Variants in SLX4IP observed in about 807,000 individuals in gnomAD.
SLX4IP encodes the protein protein SLX4IP.
Under a neutral mutation model 32.9 loss-of-function variants are expected in SLX4IP, and 34 were observed. The ratio of observed to expected loss-of-function variants is 1.03; its 90% CI spans 0.79 to 1.38. The LOEUF is 1.38. SLX4IP is among the 40% of genes most tolerant of loss of function. The pLI is 0.00. For synonymous variants in SLX4IP, 172 were observed against 171.7 expected, an observed-to-expected ratio of 1.00 and a Z score of -0.01; for missense variants, 444 against 479.0, an observed-to-expected ratio of 0.93 and a Z score of 0.68.
chr20:10,475,865 A>G (rs1369291458), intron 2 of SLX4IP, among the ~76,000 whole-genome samples: 2 of 152,232 alleles, frequency 1.3e-5, no homozygotes, highest in Non-Finnish European at 2.9e-5. Flanking sequence ...CAGAAGTTAC[A>G]TGATAGTACT....
intron 6 of SLX4IP, among the ~76,000 whole-genome samples, chr20:10,607,735 G>C (rs1448909329): frequency 6.6e-6 from 1 of 151,756 alleles, no homozygotes; most frequent in African/African-American, 2.4e-5. Flanking sequence ...TCCTCTGTTG[G>C]TTAGTTTCTC....
intron 2 of SLX4IP, among the ~76,000 whole-genome samples, chr20:10,544,077 C>G (rs781129329): frequency 1.3e-5 from 2 of 152,114 alleles, no homozygotes; most frequent in East Asian, 1.9e-4. Flanking sequence ...TCCCAGTGGT[C>G]GAGCCAGGCT....
At chr20:10,486,718 G>A (rs1029445537) in intron 2 of SLX4IP, among the ~76,000 whole-genome samples, 2 of 152,126 alleles carry the variant, frequency 1.3e-5, no homozygotes, top group Non-Finnish European at 2.9e-5. Flanking sequence ...AGCCAGGATA[G>A]CCCAATGTCC....
chr20:10,522,784 G>T (rs1460570538), intron 2 of SLX4IP, among the ~76,000 whole-genome samples: 1 of 152,190 alleles, frequency 6.6e-6, no homozygotes, highest in East Asian at 1.9e-4. Flanking sequence ...GATGCCACAA[G>T]AGCCCAGCTG....
chr20:10,578,240 A>T (rs183285852), intron 4 of SLX4IP, among the ~76,000 whole-genome samples: 8 of 152,246 alleles, frequency 5.3e-5, no homozygotes, highest in Admixed American at 4.6e-4. Context: ...CATTTTCCCC[A>T]ATACCCCAGC....
chr20:10,504,083 C>G (rs922819810), intron 2 of SLX4IP, among the ~76,000 whole-genome samples: 1 of 152,316 alleles, frequency 6.6e-6, no homozygotes, highest in South Asian at 2.1e-4. Flanking sequence ...GAGAAAGAAG[C>G]AGCAGCCATG....
chr20:10,577,192 G>A (rs1281362923), intron 4 of SLX4IP, among the ~76,000 whole-genome samples: 1 of 152,114 alleles, frequency 6.6e-6, no homozygotes, highest in African/African-American at 2.4e-5. Flanking sequence ...AGAAGACTGA[G>A]ATTTTTGTAT....
rs561257027 is a variant in SLX4IP at position 10,465,098 on chromosome 20, A to AG, written c.27+6869dup. Among the ~76,000 whole-genome samples the AG allele has an allele frequency of 4.1e-4, 62 of 152,282 alleles. 1 individual carries two copies. In the South Asian group the frequency reaches 0.01, roughly 25 times the overall value. On this transcript the variant is annotated intron_variant, in intron 2 of 7. Coordinates refer to ENST00000334534, the MANE Select transcript of SLX4IP (RefSeq NM_001009608.3). The stretch of plus-strand genomic sequence containing the variant: ...TGGGCTACTGCAGCTTCTAGCAGGG[A>AG]GGTATGTCCTGTACTTCAGTGAGTG...
chr20:10,559,258 A>C (rs937082184), intron 3 of SLX4IP, among the ~76,000 whole-genome samples: 1 of 152,240 alleles, frequency 6.6e-6, no homozygotes, highest in Non-Finnish European at 1.5e-5. Flanking sequence ...CATGAAAAGC[A>C]GGAGAGAGGA....
rs1367567594 is a variant in SLX4IP at position 10,625,801 on chromosome 20, A to G, written c.*2422A>G. On this transcript the variant is annotated 3_prime_UTR_variant, in exon 8 of 8. Transcript: ENST00000334534. ...TGGCTCTCAGTTCCCACACTGTGAC[A>G]TGTGTTTGAGGAATTTTGCCTTTAA... The G allele has an allele frequency of 6.6e-6, 1 of 152,168 alleles. No homozygotes were observed. The highest frequency in any genetic ancestry group is 1.5e-5 in the Non-Finnish European group (1 of 68,034). The allele number at this position is 152,168 out of a possible 1,614,324, so 9.4% of individuals were successfully genotyped here.
intron 2 of SLX4IP, among the ~76,000 whole-genome samples, chr20:10,527,498 C>T (rs1408016672): frequency 2.0e-5 from 3 of 152,166 alleles, no homozygotes; most frequent in Non-Finnish European, 4.4e-5. Context: ...ATATGAGCCC[C>T]TTTACTTCTT....
intron 1 of SLX4IP, among the ~76,000 whole-genome samples, chr20:10,437,222 C>T (rs1264146009): frequency 6.6e-6 from 1 of 152,064 alleles, no homozygotes; most frequent in African/African-American, 2.4e-5. Context: ...AACTCTTGGG[C>T]TCAAGCGATC....
chr20:10,567,388 T>G (rs1176897588), intron 4 of SLX4IP, among the ~76,000 whole-genome samples: 2 of 152,192 alleles, frequency 1.3e-5, no homozygotes, highest in African/African-American at 4.8e-5. Flanking sequence ...AAGGGCTTGA[T>G]GGAGGCCTTT....
chr20:10,621,467 T>G, intron 7 of SLX4IP, 53 bp downstream of exon 7: 1 of 1,501,552 alleles, frequency 6.7e-7, no homozygotes, highest in South Asian at 1.1e-5. Context: ...TATGTATGGA[T>G]AGATAACATG....
At position 10,512,733 on chromosome 20, in the gene SLX4IP, G is replaced by C. The variant is rs979983989; in HGVS notation, c.28-43498G>C. ...TATATATATTTTATATATAGTATAT[G>C]TATTGTGTATATATATTTTATGTAT... On this transcript the variant is annotated intron_variant, in intron 2 of 7. Coordinates refer to ENST00000334534, the MANE Select transcript of SLX4IP (RefSeq NM_001009608.3). Among the ~76,000 whole-genome samples, 37 of 91,748 alleles carry C rather than the reference G, an allele frequency of 4.0e-4. 1 individual carries two copies. The highest frequency in any genetic ancestry group is 1.4e-4 in the Admixed American group (1 of 7,210). The allele number at this position is 91,748 out of a possible 152,430, so 60.2% of individuals were successfully genotyped here.
chr20:10,456,266 T>C (rs1405094641), intron 1 of SLX4IP, among the ~76,000 whole-genome samples: 1 of 152,246 alleles, frequency 6.6e-6, no homozygotes, highest in Non-Finnish European at 1.5e-5. Context: ...TAAGCATTTC[T>C]GATAAGGGAT....
chr20:10,452,065 A>T (rs1211701658), intron 1 of SLX4IP, among the ~76,000 whole-genome samples: 1 of 152,176 alleles, frequency 6.6e-6, no homozygotes, highest in Non-Finnish European at 1.5e-5. Flanking sequence ...TTAAAATTAC[A>T]TTTGTGGCTT....
chr20:10,560,570 T>C (rs1213611341), intron 3 of SLX4IP, 130 bp from the exon 4 acceptor site: 3 of 701,546 alleles, frequency 4.3e-6, no homozygotes, highest in Non-Finnish European at 6.4e-6. Flanking sequence ...ACATATGACA[T>C]TCCTTTCAAC....
chr20:10,512,294 G>A (rs2065813858), intron 2 of SLX4IP, among the ~76,000 whole-genome samples: 1 of 151,990 alleles, frequency 6.6e-6, no homozygotes, highest in Non-Finnish European at 1.5e-5. Flanking sequence ...TTTACAAGTG[G>A]GTGCTAAGTA....
Sources: allele counts gnomAD v4.1 joint callset (sites outside exome capture counted in the v4.1 genomes callset), GRCh38; gene constraint gnomAD v4.1.1; transcripts MANE v1.5; gene names NCBI Gene and HGNC (gene_info 2026-07-23, HGNC 2026-07-21).